Variants in UPP1 observed in about 807,000 individuals in gnomAD.
UPP1 encodes the protein UPase 1.
A neutral mutation model predicts 29.6 loss-of-function variants in UPP1; 25 were observed. The observed-to-expected ratio is 0.85, with a 90% CI of 0.62 to 1.18. The LOEUF (loss-of-function observed/expected upper bound fraction) is 1.18, where lower values mean the gene tolerates loss of function less well. Ranked by LOEUF, UPP1 falls within the 50% of genes most tolerant of loss-of-function variation. The pLI, the probability that UPP1 is intolerant of heterozygous loss-of-function variation, is 0.00. For synonymous variants in UPP1, 165 were observed against 159.8 expected, an observed-to-expected ratio of 1.03 and a Z score of -0.25; for missense variants, 368 against 410.4, an observed-to-expected ratio of 0.90 and a Z score of 0.89.
chr7:48,108,438 T>C lies in UPP1; in HGVS notation c.*81T>C. ...TCCAAAATCCCCTGTTGTGTGGACT[T>C]TGAGCACACTTTACACAAGAATCTA... On this transcript the variant is annotated 3_prime_UTR_variant, in exon 9 of 9. Coordinates refer to ENST00000395564, the MANE Select transcript of UPP1 (RefSeq NM_003364.4). 1 of 1,474,022 alleles carries C rather than the reference T, an allele frequency of 6.8e-7. No homozygotes were observed. Among genetic ancestry groups the C allele is most frequent in the Non-Finnish European group, 9.2e-7 (1 of 1,089,190 alleles). The allele number at this position is 1,474,022 out of a possible 1,614,324, so 91.3% of individuals were successfully genotyped here. A position where few individuals can be genotyped will look rare whatever the true frequency, so the allele number is the denominator to read the frequency against.
At position 48,108,535 on chromosome 7, in the gene UPP1, T is replaced by C; in HGVS notation, c.*178T>C. The C allele has an allele frequency of 1.4e-6, 1 of 697,762 alleles. No individual in the cohort carries two copies. The allele number at this position is 697,762 out of a possible 1,614,324, so 43.2% of individuals were successfully genotyped here. On this transcript the variant is annotated 3_prime_UTR_variant, in exon 9 of 9. Transcript: ENST00000395564. ...ATGGGAGATGTTCTTCCTTTTGAAG[T>C]TTCATTGGAGCATTTTCAATGATGT...
intron 2 of UPP1, among the ~76,000 whole-genome samples, chr7:48,090,774 A>G (rs1791784617): frequency 1.3e-5 from 2 of 152,034 alleles, no homozygotes. Context: ...CTGCTCTTAC[A>G]TTATTTCTTT....
At chr7:48,092,992 C>T (rs77514663) in intron 2 of UPP1, among the ~76,000 whole-genome samples, 1,940 of 152,182 alleles carry the variant, frequency 0.013, 43 homozygotes, top group African/African-American at 0.045. Flanking sequence ...GCGTGGGCCA[C>T]TGTGCATGGC....
intron 3 of UPP1, among the ~76,000 whole-genome samples, chr7:48,097,338 A>G (rs1268453780): frequency 6.6e-6 from 1 of 152,148 alleles, no homozygotes; most frequent in Non-Finnish European, 1.5e-5. Flanking sequence ...GGCTCAGGTG[A>G]TCCTCCCACA....
chr7:48,101,624 G>A (rs1296620125), intron 4 of UPP1, among the ~76,000 whole-genome samples, 200 bp from the exon 5 acceptor site: 1 of 152,088 alleles, frequency 6.6e-6, no homozygotes, highest in Non-Finnish European at 1.5e-5. Context: ...ATGCTTGGCC[G>A]CCCACCCTGA....
chr7:48,089,798 G>T (rs1012280617), intron 1 of UPP1, among the ~76,000 whole-genome samples: 1 of 152,116 alleles, frequency 6.6e-6, no homozygotes, highest in African/African-American at 2.4e-5. Flanking sequence ...GTCAGGTCCC[G>T]CAGGGCGCAG....
At chr7:48,093,111 G>A (rs778234555) in intron 2 of UPP1, among the ~76,000 whole-genome samples, 5 of 152,186 alleles carry the variant, frequency 3.3e-5, no homozygotes, top group Non-Finnish European at 7.3e-5. Flanking sequence ...GCAGTAGGCT[G>A]GGATTTCCAA....
intron 5 of UPP1, among the ~76,000 whole-genome samples, chr7:48,102,545 T>G: frequency 6.6e-6 from 1 of 152,190 alleles, no homozygotes; most frequent in Non-Finnish European, 1.5e-5. Context: ...TCCAGTCAGC[T>G]GAGGACACTA....
intron 4 of UPP1, 152 bp from the exon 5 acceptor site, chr7:48,101,672 G>A (rs1792429988): frequency 3.5e-6 from 3 of 863,512 alleles, no homozygotes; most frequent in African/African-American, 1.7e-5. Context: ...AGATTCCTGG[G>A]CCCCTTAGAT....
chr7:48,092,670 C>T (rs1430569564), intron 2 of UPP1, among the ~76,000 whole-genome samples: 2 of 151,520 alleles, frequency 1.3e-5, no homozygotes, highest in African/African-American at 4.8e-5. Context: ...CACTCCACTC[C>T]AGCCTGGGTA....
At position 48,107,344 on chromosome 7, in the gene UPP1, C is replaced by A. The variant is rs1403009900; in HGVS notation, c.647-17C>A. 1.2e-6 allele frequency: 2 copies of A among 1,603,410 alleles called. No homozygotes were observed. The highest frequency in any genetic ancestry group is 1.1e-5 in the South Asian group (1 of 90,032). On this transcript the variant is annotated splice_polypyrimidine_tract_variant and intron_variant, in intron 7 of 8. Transcript: ENST00000395564. ...TCTCACATGCATGTGGTTCTCATGT[C>A]TCCATGTGTGCCTCAGGGCAAGGCC... is the stretch of plus-strand genomic sequence containing the variant.
chr7:48,094,694 AG>A, intron 2 of UPP1, 68 bp from the exon 3 acceptor site: 4 of 1,370,714 alleles, frequency 2.9e-6, no homozygotes, highest in Non-Finnish European at 4.2e-6. Flanking sequence ...TCTACATATT[AG>A]TGGGGCTCTG....
intron 7 of UPP1, 27 bp downstream of exon 7, chr7:48,107,109 C>CT: frequency 6.2e-7 from 1 of 1,607,918 alleles, no homozygotes; most frequent in Non-Finnish European, 8.5e-7. Flanking sequence ...GAGGAGGCAT[C>CT]TTTCAGCCAG....
At chr7:48,097,341 C>T (rs1792177648) in intron 3 of UPP1, among the ~76,000 whole-genome samples, 1 of 152,144 alleles carries the variant, frequency 6.6e-6, no homozygotes. Context: ...TCAGGTGATC[C>T]TCCCACATCA....
At chr7:48,095,539 A>G (rs1022766865) in intron 3 of UPP1, among the ~76,000 whole-genome samples, 1 of 151,718 alleles carries the variant, frequency 6.6e-6, no homozygotes, top group African/African-American at 2.4e-5. Context: ...TGACAGCTGC[A>G]TACCCAGGTC....
In UPP1 at chr7:48,107,312, A is replaced by G. The variant is rs201519629; in HGVS notation, c.647-49A>G. Reference sequence around the variant, plus strand: ...GGCATCAGTGGCGCTGATGTGTTGTAGGAGCTTCTCACATGCATGTGGTTC... The same window carrying G: ...GGCATCAGTGGCGCTGATGTGTTGTGGGAGCTTCTCACATGCATGTGGTTC... On this transcript the variant is annotated intron_variant, in intron 7 of 8. Transcript: ENST00000395564. The G allele has an allele frequency of 2.5e-5, 40 of 1,577,290 alleles. No homozygotes were observed. The African/African-American group carries it at 4.6e-4, about 18-fold the overall frequency.
chr7:48,108,457 G>T lies in UPP1; in HGVS notation c.*100G>T. ...TGGACTTTGAGCACACTTTACACAA[G>T]AATCTAGAAAATCAGATCGCGATTA... is the stretch of plus-strand genomic sequence containing the variant. On this transcript the variant is annotated 3_prime_UTR_variant, in exon 9 of 9. Coordinates refer to ENST00000395564, the MANE Select transcript of UPP1 (RefSeq NM_003364.4). The T allele has an allele frequency of 1.5e-6, 2 of 1,376,152 alleles. No individual in the cohort carries two copies. Among genetic ancestry groups the T allele is most frequent in the Non-Finnish European group, 9.7e-7 (1 of 1,027,754 alleles). The allele number at this position is 1,376,152 out of a possible 1,614,324, so 85.2% of individuals were successfully genotyped here. A position where few individuals can be genotyped will look rare whatever the true frequency, so the allele number is the denominator to read the frequency against.
chr7:48,092,167 G>A (rs1791875180), intron 2 of UPP1, among the ~76,000 whole-genome samples: 1 of 152,144 alleles, frequency 6.6e-6, no homozygotes, highest in African/African-American at 2.4e-5. Flanking sequence ...ATAGCAGCCT[G>A]GAGGGGGCAG....
intron 3 of UPP1, among the ~76,000 whole-genome samples, chr7:48,095,064 A>G (rs1792055859): frequency 6.6e-6 from 1 of 152,166 alleles, no homozygotes; most frequent in African/African-American, 2.4e-5. Flanking sequence ...GTTGTTTCAG[A>G]AAACCAGACA....
Sources: gnomAD v4.1 joint callset for allele counts (sites outside exome capture counted in the v4.1 genomes callset) on GRCh38, gnomAD v4.1.1 for gene constraint, MANE v1.5 for transcripts, NCBI Gene and HGNC (gene_info 2026-07-23, HGNC 2026-07-21) for gene names.